GABRG1: variants seen among roughly 807,000 people sequenced by gnomAD.
GABRG1 encodes gamma-aminobutyric acid type A receptor subunit gamma1.
Under a neutral mutation model 49.8 loss-of-function variants are expected in GABRG1, and 49 were observed. The ratio of observed to expected loss-of-function variants is 0.98; its 90% CI spans 0.78 to 1.25. GABRG1 has a LOEUF of 1.25. Among genes scored for constraint, GABRG1 ranks in the 50% most tolerant of loss-of-function variants. The pLI is 0.00. For missense variants in GABRG1, 552 were observed against 552.3 expected (o/e 1.00, Z 0.01); for synonymous variants, 232 against 185.1 (o/e 1.25, Z -2.06).
intron 1 of GABRG1, among the ~76,000 whole-genome samples, chr4:46,119,710 C>T (rs185573525): frequency 1.5e-4 from 23 of 151,402 alleles, no homozygotes; most frequent in African/African-American, 4.8e-4. Flanking sequence ...ATTTAGGCTC[C>T]TCTGTTTATC....
At chr4:46,119,096 T>G (rs919353927) in intron 1 of GABRG1, among the ~76,000 whole-genome samples, 3 of 120,980 alleles carry the variant, frequency 2.5e-5, no homozygotes, top group Non-Finnish European at 4.8e-5. Context: ...AAGTTACAGT[T>G]GTGTGTGTGT....
At chr4:46,065,635 G>T (rs745494411) in intron 3 of GABRG1, 51 bp from the exon 4 acceptor site, 2 of 854,044 alleles carry the variant, frequency 2.3e-6, no homozygotes, top group East Asian at 2.7e-5. Context: ...TATTTTAGTT[G>T]TTTTTCTCGA....
intron 1 of GABRG1, among the ~76,000 whole-genome samples, chr4:46,118,567 T>C (rs1721003743): frequency 6.6e-6 from 1 of 151,150 alleles, no homozygotes. Flanking sequence ...ATGTCTTATT[T>C]ATGCTAGTTG....
At chr4:46,120,307 C>T (rs1299946203) in intron 1 of GABRG1, among the ~76,000 whole-genome samples, 1 of 151,560 alleles carries the variant, frequency 6.6e-6, no homozygotes, top group South Asian at 2.1e-4. Context: ...TCTTTTCACC[C>T]CTCCTTTGGG....
intron 3 of GABRG1, among the ~76,000 whole-genome samples, chr4:46,075,230 G>C (rs1719283897): frequency 6.6e-6 from 1 of 151,848 alleles, no homozygotes; most frequent in Non-Finnish European, 1.5e-5. Context: ...TAAATTTATA[G>C]GTGAAAATGG....
Position 46,123,796 on chromosome 4 carries a change from C to A in GABRG1, c.104+14G>T, listed in dbSNP as rs1473192859. 5 of 1,595,498 alleles carry A rather than the reference C, an allele frequency of 3.1e-6. No individual in the cohort carries two copies. In the African/African-American group the frequency reaches 5.4e-5, roughly 17 times the overall value. On this transcript the variant is annotated intron_variant, in intron 1 of 8. Coordinates refer to ENST00000295452, the MANE Select transcript of GABRG1 (RefSeq NM_173536.4). ...GATAGCAAAGAATAGTTTTAAACCC[C>A]TGAATTTACTCACCAGTTTCCCAAA...
rs529706818 is a variant in GABRG1 at position 46,104,015 on chromosome 4, G to A, written c.105-6666C>T. Among the ~76,000 whole-genome samples, 18 of 151,406 alleles carry A rather than the reference G, an allele frequency of 1.2e-4. 1 individual carries two copies. Among genetic ancestry groups the A allele is most frequent in the Admixed American group, 2.6e-4 (4 of 15,130 alleles). Reference sequence around the variant, plus strand: ...CATAGAGTGTTTGAAGTAAGAGCACGTTTAGATATCTTCATGTCCTACTCC... The same window carrying A: ...CATAGAGTGTTTGAAGTAAGAGCACATTTAGATATCTTCATGTCCTACTCC... On this transcript the variant is annotated intron_variant, in intron 1 of 8. Transcript: ENST00000295452.
At chr4:46,051,663 G>C in intron 7 of GABRG1, 25 bp from the exon 8 acceptor site, 1 of 1,414,304 alleles carries the variant, frequency 7.1e-7, no homozygotes, top group Non-Finnish European at 9.8e-7. Context: ...AACAAAACAG[G>C]AAATGAAAAT....
intron 3 of GABRG1, among the ~76,000 whole-genome samples, chr4:46,073,321 C>T (rs566771652): frequency 1.3e-5 from 2 of 151,810 alleles, no homozygotes; most frequent in Non-Finnish European, 2.9e-5. Context: ...TACAAGGAAG[C>T]CTTTCCAAGA....
At chr4:46,080,255 AG>A (rs1487195964) in intron 3 of GABRG1, among the ~76,000 whole-genome samples, 6 of 151,860 alleles carry the variant, frequency 4.0e-5, no homozygotes, top group African/African-American at 1.4e-4. Context: ...TGAGTACTTA[AG>A]GGGGTGGCAC....
chr4:46,088,738 TACACACACACACAC>T (rs3069480), intron 2 of GABRG1, among the ~76,000 whole-genome samples: 1 of 142,810 alleles, frequency 7.0e-6, no homozygotes, highest in Non-Finnish European at 1.5e-5. Context: ...CACTATAAAA[TACACACACACACAC>T]ACACACACAC....
intron 8 of GABRG1, among the ~76,000 whole-genome samples, chr4:46,046,708 C>T (rs1000949900): frequency 2.6e-5 from 4 of 151,962 alleles, no homozygotes; most frequent in Admixed American, 6.6e-5. Context: ...CTTGCTAATG[C>T]ATTATTTTCA....
chr4:46,079,746 A>C (rs948518772), intron 3 of GABRG1, among the ~76,000 whole-genome samples: 1 of 151,784 alleles, frequency 6.6e-6, no homozygotes, highest in Non-Finnish European at 1.5e-5. Context: ...ACCAATTTTG[A>C]CTTGGCTTTA....
chr4:46,115,129 T>G (rs999866734), intron 1 of GABRG1, among the ~76,000 whole-genome samples: 4 of 150,824 alleles, frequency 2.7e-5, no homozygotes, highest in Non-Finnish European at 4.5e-5. Context: ...CATGAGAATT[T>G]ATAAGATATT....
Position 46,117,580 on chromosome 4 carries a change from C to G in GABRG1, c.104+6230G>C, listed in dbSNP as rs866037826. ...TCTCTCTCTCTCTCTCTCTCTCTCT[C>G]TGTCTCTCTTTGTCTCTCTCTCTCT... On this transcript the variant is annotated intron_variant, in intron 1 of 8. Transcript: ENST00000295452. Among the ~76,000 whole-genome samples the G allele has an allele frequency of 6.3e-4, 81 of 128,736 alleles. 1 individual carries two copies. Among genetic ancestry groups the G allele is most frequent in the African/African-American group, 2.6e-3 (69 of 26,644 alleles). 84.5% of individuals were successfully genotyped at this position (128,736 alleles called of 152,430 possible). A position where few individuals can be genotyped will look rare whatever the true frequency, so the allele number is the denominator to read the frequency against.
intron 2 of GABRG1, among the ~76,000 whole-genome samples, chr4:46,093,226 G>T (rs796495849): frequency 1.3e-5 from 2 of 151,802 alleles, no homozygotes; most frequent in African/African-American, 4.8e-5. Context: ...TGTAACCATC[G>T]CAAAGAAAAT....
chr4:46,065,641 C>G, intron 3 of GABRG1, 57 bp from the exon 4 acceptor site: 4 of 832,750 alleles, frequency 4.8e-6, no homozygotes, highest in Non-Finnish European at 7.4e-6. Flanking sequence ...AGTTGTTTTT[C>G]TCGAAAGTTT....
Position 46,117,604 on chromosome 4 carries a change from C to CTA in GABRG1, c.104+6205_104+6206insTA, listed in dbSNP as rs1221202997. Reference sequence around the variant, plus strand: ...TCTGTCTCTCTTTGTCTCTCTCTCTCTCTCTCTCTATATATATATACACAT... The same window carrying CTA: ...TCTGTCTCTCTTTGTCTCTCTCTCTCTATCTCTCTCTATATATATATACACAT... On this transcript the variant is annotated intron_variant, in intron 1 of 8. Coordinates refer to ENST00000295452, the MANE Select transcript of GABRG1 (RefSeq NM_173536.4). Among the ~76,000 whole-genome samples the CTA allele has an allele frequency of 6.5e-3, 915 of 140,024 alleles. 7 individuals are homozygous for CTA. The highest frequency in any genetic ancestry group is 0.015 in the South Asian group (71 of 4,630). The allele number at this position is 140,024 out of a possible 152,430, so 91.9% of individuals were successfully genotyped here. A position where few individuals can be genotyped will look rare whatever the true frequency, so the allele number is the denominator to read the frequency against.
In GABRG1 at chr4:46,079,919, C is replaced by T. The variant is rs978237057; in HGVS notation, c.321+4067G>A. 2.3e-4 allele frequency among the ~76,000 whole-genome samples: 35 copies of T among 151,836 alleles called. 1 individual carries two copies. The highest frequency in any genetic ancestry group is 8.2e-4 in the African/African-American group (34 of 41,386). ...ATAAACTCTAGTAACATGTTCTTGA[C>T]TTCAATTCTGATTGCATATTTTTCT... On this transcript the variant is annotated intron_variant, in intron 3 of 8. Transcript: ENST00000295452.
Sources: allele counts gnomAD v4.1 joint callset (sites outside exome capture counted in the v4.1 genomes callset), GRCh38; gene constraint gnomAD v4.1.1; transcripts MANE v1.5; gene names NCBI Gene and HGNC (gene_info 2026-07-23, HGNC 2026-07-21).